Variants in ENTREP2 observed in about 807,000 individuals in gnomAD.
ENTREP2 encodes protein ENTREP2.
chr15:29,312,572 C>T, the ENTREP2 span, among the ~76,000 whole-genome samples: 1 of 152,108 alleles, frequency 6.6e-6, no homozygotes, highest in Non-Finnish European at 1.5e-5. Flanking sequence ...CAAACTTTTT[C>T]ATTATTACTA....
chr15:29,159,401 A>C, the ENTREP2 span, among the ~76,000 whole-genome samples: 1 of 152,182 alleles, frequency 6.6e-6, no homozygotes, highest in South Asian at 2.1e-4. Flanking sequence ...TTTATTGCAA[A>C]CAGCATAATA....
chr15:29,538,093 C>G, the ENTREP2 span, among the ~76,000 whole-genome samples: 6 of 152,176 alleles, frequency 3.9e-5, no homozygotes, highest in African/African-American at 1.4e-4. Context: ...CACTAGAATG[C>G]ACGCTGTAGG....
the ENTREP2 span, among the ~76,000 whole-genome samples, chr15:29,295,739 T>C: frequency 6.6e-6 from 1 of 152,304 alleles, no homozygotes; most frequent in Non-Finnish European, 1.5e-5. Flanking sequence ...GGCTACTAAG[T>C]GACGGCCACG....
the ENTREP2 span, among the ~76,000 whole-genome samples, chr15:29,371,636 T>C: frequency 7.9e-4 from 120 of 152,168 alleles, no homozygotes; most frequent in Non-Finnish European, 1.5e-3. Context: ...AATGTGAACA[T>C]ATTGCTATGA....
chr15:29,242,545 G>T, the ENTREP2 span, among the ~76,000 whole-genome samples: 8 of 152,296 alleles, frequency 5.3e-5, no homozygotes, highest in African/African-American at 1.9e-4. Context: ...AAGTGAAACA[G>T]CATGTTTGCT....
the ENTREP2 span, among the ~76,000 whole-genome samples, chr15:29,460,667 A>G: frequency 6.6e-6 from 1 of 152,118 alleles, no homozygotes; most frequent in South Asian, 2.1e-4. Flanking sequence ...AAAAAACACA[A>G]TTCTTAAATC....
At chr15:29,162,849 A>G in the ENTREP2 span, among the ~76,000 whole-genome samples, 2 of 152,126 alleles carry the variant, frequency 1.3e-5, no homozygotes, top group Non-Finnish European at 1.5e-5. Flanking sequence ...CAGGAGGCCA[A>G]CCCGCACAAA....
the ENTREP2 span, among the ~76,000 whole-genome samples, chr15:29,524,944 C>A: frequency 3.0e-4 from 46 of 152,216 alleles, no homozygotes; most frequent in African/African-American, 1.1e-3. Flanking sequence ...TTGTCCCTCC[C>A]CCTGTGCTCT....
the ENTREP2 span, among the ~76,000 whole-genome samples, chr15:29,599,675 T>C: frequency 1.3e-5 from 2 of 152,184 alleles, no homozygotes; most frequent in Non-Finnish European, 2.9e-5. Flanking sequence ...AGCACCATTG[T>C]CTTACAAAGC....
chr15:29,362,016 A>G, the ENTREP2 span, among the ~76,000 whole-genome samples: 1 of 152,140 alleles, frequency 6.6e-6, no homozygotes, highest in African/African-American at 2.4e-5. Flanking sequence ...ACCAACAGAC[A>G]CGGATCACAG....
At chr15:29,247,202 G>A in the ENTREP2 span, among the ~76,000 whole-genome samples, 1 of 152,172 alleles carries the variant, frequency 6.6e-6, no homozygotes, top group East Asian at 1.9e-4. Flanking sequence ...CTGGAGTGAA[G>A]AAGTTGAAAA....
At chr15:29,561,404 T>G in the ENTREP2 span, among the ~76,000 whole-genome samples, 24 of 152,140 alleles carry the variant, frequency 1.6e-4, no homozygotes, top group African/African-American at 5.8e-4. Flanking sequence ...GTAGAAGGAA[T>G]GGGCCGGGTG....
At chr15:29,654,808 T>C in the ENTREP2 span, among the ~76,000 whole-genome samples, 4 of 152,220 alleles carry the variant, frequency 2.6e-5, no homozygotes, top group Non-Finnish European at 4.4e-5. Context: ...AGCAAGGTGA[T>C]ATTTGTGTCC....
the ENTREP2 span, among the ~76,000 whole-genome samples, chr15:29,199,437 A>G: frequency 2.0e-5 from 3 of 152,196 alleles, no homozygotes; most frequent in Non-Finnish European, 4.4e-5. Flanking sequence ...CTATAGGCTG[A>G]CTTGTTCAGA....
the ENTREP2 span, among the ~76,000 whole-genome samples, chr15:29,358,319 A>G: frequency 6.6e-6 from 1 of 152,372 alleles, no homozygotes; most frequent in Non-Finnish European, 1.5e-5. Context: ...AATGAAAAAA[A>G]GCAAGTAATC....
chr15:29,572,598 T>A, the ENTREP2 span, among the ~76,000 whole-genome samples: 1 of 151,538 alleles, frequency 6.6e-6, no homozygotes, highest in Admixed American at 6.6e-5. Flanking sequence ...CAGACAAAAA[T>A]CCCTGCCTTT....
the ENTREP2 span, among the ~76,000 whole-genome samples, chr15:29,527,827 C>T: frequency 6.6e-6 from 1 of 152,086 alleles, no homozygotes; most frequent in East Asian, 1.9e-4. Flanking sequence ...AAAGTAAGCC[C>T]CCCTCAGTAA....
At chr15:29,300,944 T>C in the ENTREP2 span, among the ~76,000 whole-genome samples, 1 of 152,192 alleles carries the variant, frequency 6.6e-6, no homozygotes, top group South Asian at 2.1e-4. Context: ...AAAAAATAAT[T>C]TCTATACAGG....
the ENTREP2 span, among the ~76,000 whole-genome samples, chr15:29,230,334 C>T: frequency 1.3e-5 from 2 of 152,132 alleles, no homozygotes; most frequent in African/African-American, 4.8e-5. Flanking sequence ...CTGAAGTAAT[C>T]CCTACAGCTC....
Sources: gnomAD v4.1 joint callset for allele counts (sites outside exome capture counted in the v4.1 genomes callset) on GRCh38, gnomAD v4.1.1 for gene constraint, MANE v1.5 for transcripts, NCBI Gene and HGNC (gene_info 2026-07-23, HGNC 2026-07-21) for gene names.